Variants in TOX observed in about 807,000 individuals in gnomAD.
TOX encodes thymocyte selection-associated high mobility group box protein TOX.
Under a neutral mutation model 53.7 loss-of-function variants are expected in TOX, and 11 were observed. The ratio of observed to expected loss-of-function variants is 0.20; its 90% CI spans 0.13 to 0.34. The LOEUF (loss-of-function observed/expected upper bound fraction) is 0.34. Ranked by LOEUF, TOX falls within the 10% of genes least tolerant of loss-of-function variation. The probability of loss-of-function intolerance (pLI) is 1.00; values close to 1 mark genes in which losing one functional copy is unlikely to be tolerated. For missense variants in TOX, 570 were observed against 664.6 expected, an observed-to-expected ratio of 0.86 and a Z score of 1.56; for synonymous variants, 225 against 245.3, an observed-to-expected ratio of 0.92 and a Z score of 0.77.
At chr8:58,960,584 A>T (rs1812782422) in intron 1 of TOX, among the ~76,000 whole-genome samples, 2 of 152,232 alleles carry the variant, frequency 1.3e-5, no homozygotes, top group African/African-American at 4.8e-5. Flanking sequence ...TGATAATAAC[A>T]ATAAAAATAC....
intron 1 of TOX, among the ~76,000 whole-genome samples, chr8:59,116,826 CA>C (rs1805109180): frequency 6.6e-6 from 1 of 152,172 alleles, no homozygotes; most frequent in South Asian, 2.1e-4. Flanking sequence ...GCTTCTTATA[CA>C]CGGGGTGACT....
At chr8:58,975,857 A>G (rs1195388346) in intron 1 of TOX, among the ~76,000 whole-genome samples, 1 of 152,106 alleles carries the variant, frequency 6.6e-6, no homozygotes. Flanking sequence ...GTGGATCACA[A>G]GGTCAAGAGA....
At chr8:59,005,855 G>A (rs1433568920) in intron 1 of TOX, among the ~76,000 whole-genome samples, 1 of 152,222 alleles carries the variant, frequency 6.6e-6, no homozygotes, top group Non-Finnish European at 1.5e-5. Context: ...GAGAACTGCT[G>A]TCCTGGCTGG....
intron 1 of TOX, among the ~76,000 whole-genome samples, chr8:59,062,783 G>GGT (rs565539341): frequency 6.6e-6 from 1 of 151,712 alleles, no homozygotes; most frequent in East Asian, 1.9e-4. Context: ...AAAGAGAGAG[G>GGT]GTGTGTGTGT....
rs892540609 is a variant in TOX at position 58,807,029 on chromosome 8, A to G, written c.*718T>C. 4 of 152,682 alleles carry G rather than the reference A, an allele frequency of 2.6e-5. No individual in the cohort carries two copies. Among genetic ancestry groups the G allele is most frequent in the Non-Finnish European group, 5.9e-5 (4 of 68,008 alleles). 9.5% of individuals were successfully genotyped at this position (152,682 alleles called of 1,614,324 possible). ...ACACAAAAAGTGATACAAAAAAGCA[A>G]TTTTTCTGCAGTACAAAATAAATGT... is the stretch of plus-strand genomic sequence containing the variant. On this transcript the variant is annotated 3_prime_UTR_variant, in exon 9 of 9. Transcript: ENST00000361421.
At chr8:58,859,894 G>A (rs1810979500) in intron 3 of TOX, among the ~76,000 whole-genome samples, 1 of 152,186 alleles carries the variant, frequency 6.6e-6, no homozygotes. Flanking sequence ...ATGAACCAAA[G>A]ATCAGATATT....
chr8:59,064,933 A>G (rs1352025979), intron 1 of TOX, among the ~76,000 whole-genome samples: 1 of 152,198 alleles, frequency 6.6e-6, no homozygotes, highest in Non-Finnish European at 1.5e-5. Flanking sequence ...CCAGGTTTCT[A>G]AAAGGGGCCC....
intron 7 of TOX, among the ~76,000 whole-genome samples, chr8:58,813,365 A>G (rs898410444): frequency 1.4e-4 from 21 of 152,304 alleles, no homozygotes; most frequent in African/African-American, 4.3e-4. Flanking sequence ...AGGAAACTGA[A>G]CTTTTGGTTT....
intron 1 of TOX, among the ~76,000 whole-genome samples, chr8:59,014,183 G>A (rs1298779929): frequency 6.6e-6 from 1 of 152,154 alleles, no homozygotes; most frequent in Admixed American, 6.6e-5. Context: ...CAAGACTTTT[G>A]TACCATGGTG....
chr8:59,040,316 G>A (rs1217145853), intron 1 of TOX, among the ~76,000 whole-genome samples: 6 of 119,210 alleles, frequency 5.0e-5, no homozygotes, highest in African/African-American at 1.2e-4. Context: ...GCGACAGAGC[G>A]AGACTCCGTC....
At chr8:58,878,524 TAGAG>T (rs1482129514) in intron 3 of TOX, among the ~76,000 whole-genome samples, 1 of 152,180 alleles carries the variant, frequency 6.6e-6, no homozygotes, top group Non-Finnish European at 1.5e-5. Flanking sequence ...CATTTGAAAA[TAGAG>T]AAATAATCAG....
intron 1 of TOX, among the ~76,000 whole-genome samples, chr8:58,973,840 C>G (rs1813044008): frequency 6.6e-6 from 1 of 152,000 alleles, no homozygotes; most frequent in South Asian, 2.1e-4. Flanking sequence ...CTCTGTCACC[C>G]AGGCTGGAGT....
At chr8:58,951,018 T>G (rs932641782) in intron 2 of TOX, among the ~76,000 whole-genome samples, 11 of 152,224 alleles carry the variant, frequency 7.2e-5, no homozygotes, top group African/African-American at 2.7e-4. Flanking sequence ...TGGCGTAAGC[T>G]AATATTTCCC....
intron 1 of TOX, among the ~76,000 whole-genome samples, chr8:59,051,712 G>A (rs763518483): frequency 7.9e-5 from 12 of 152,130 alleles, no homozygotes; most frequent in Admixed American, 6.6e-4. Context: ...TGGGCATCCA[G>A]CAGATGCTTT....
At chr8:59,055,580 A>G (rs908296700) in intron 1 of TOX, among the ~76,000 whole-genome samples, 18 of 152,178 alleles carry the variant, frequency 1.2e-4, no homozygotes, top group African/African-American at 4.1e-4. Flanking sequence ...CCCACTACAT[A>G]TGGGAAATTT....
chr8:59,038,723 G>A (rs1207529742), intron 1 of TOX, among the ~76,000 whole-genome samples: 1 of 152,204 alleles, frequency 6.6e-6, no homozygotes, highest in Non-Finnish European at 1.5e-5. Context: ...AGGACGCTTG[G>A]CTCTTGGGCT....
rs141138333 is a variant in TOX at position 59,022,241 on chromosome 8, A to T, written c.103-62233T>A. Among the ~76,000 whole-genome samples, 64 of 152,260 alleles carry T rather than the reference A, an allele frequency of 4.2e-4. No individual in the cohort carries two copies. In the East Asian group the frequency reaches 0.011, roughly 26 times the overall value. ...AACTTAAGTTTGGTGAGTTTTGTGA[A>T]TTTCATTGGCATGTTCCCAGTCTTT... On this transcript the variant is annotated intron_variant, in intron 1 of 8. Coordinates refer to ENST00000361421, the MANE Select transcript of TOX (RefSeq NM_014729.3).
intron 2 of TOX, among the ~76,000 whole-genome samples, chr8:58,951,394 C>T (rs561754506): frequency 6.6e-6 from 1 of 152,084 alleles, no homozygotes; most frequent in Non-Finnish European, 1.5e-5. Flanking sequence ...CTGACCTAAA[C>T]TTCCAGGCAA....
chr8:58,978,885 A>T (rs78834070), intron 1 of TOX, among the ~76,000 whole-genome samples: 12,939 of 152,270 alleles, frequency 0.085, 617 homozygotes, highest in Middle Eastern at 0.14. Context: ...TTAATTTTTT[A>T]AAGTATTTTT....
Sources: allele counts gnomAD v4.1 joint callset (sites outside exome capture counted in the v4.1 genomes callset), GRCh38; gene constraint gnomAD v4.1.1; transcripts MANE v1.5; gene names NCBI Gene and HGNC (gene_info 2026-07-23, HGNC 2026-07-21).